VPS13B: variants seen among roughly 807,000 people sequenced by gnomAD.
VPS13B encodes the protein intermembrane lipid transfer protein VPS13B.
VPS13B carries 285 observed loss-of-function variants against 426.4 expected under a neutral mutation model. The observed-to-expected ratio is 0.67, with a 90% CI of 0.61 to 0.74. The LOEUF (loss-of-function observed/expected upper bound fraction) is 0.74, where lower values mean the gene tolerates loss of function less well. Ranked by LOEUF, VPS13B falls within the 30% of genes least tolerant of loss-of-function variation. The pLI, the probability that VPS13B is intolerant of heterozygous loss-of-function variation, is 0.00. For missense variants in VPS13B, 4,537 were observed against 4,782.6 expected, an observed-to-expected ratio of 0.95 and a Z score of 1.51; for synonymous variants, 1,676 against 1,676.4, an observed-to-expected ratio of 1.00 and a Z score of 0.01.
At chr8:99,293,631 G>A (rs1333452053) in intron 19 of VPS13B, among the ~76,000 whole-genome samples, 57 of 144,392 alleles carry the variant, frequency 3.9e-4, no homozygotes, top group East Asian at 1.5e-3. Context: ...GAAAATTTTC[G>A]CAACCTACTC....
chr8:99,772,230 T>G (rs1811536693), intron 40 of VPS13B, among the ~76,000 whole-genome samples: 1 of 152,058 alleles, frequency 6.6e-6, no homozygotes, highest in Admixed American at 6.6e-5. Flanking sequence ...TTAAGTTAGA[T>G]TTAAAGGAGT....
intron 19 of VPS13B, among the ~76,000 whole-genome samples, chr8:99,290,513 G>C (rs1563649814): frequency 6.6e-6 from 1 of 151,994 alleles, no homozygotes; most frequent in African/African-American, 2.4e-5. Context: ...CATGGGGTGC[G>C]GGGAGAGGGA....
chr8:99,390,592 A>G (rs930774638), intron 20 of VPS13B, among the ~76,000 whole-genome samples: 7 of 152,302 alleles, frequency 4.6e-5, no homozygotes, highest in Non-Finnish European at 1.0e-4. Flanking sequence ...GGTTGGATCT[A>G]TAAAACTTTG....
At chr8:99,307,025 A>G (rs368006522) in intron 19 of VPS13B, among the ~76,000 whole-genome samples, 2 of 152,128 alleles carry the variant, frequency 1.3e-5, no homozygotes, top group Non-Finnish European at 2.9e-5. Flanking sequence ...GTATTACTAC[A>G]TGAATAAAAG....
At chr8:99,688,153 T>TA (rs1554904064) in intron 35 of VPS13B, among the ~76,000 whole-genome samples, 5 of 147,076 alleles carry the variant, frequency 3.4e-5, no homozygotes, top group South Asian at 2.1e-4. Context: ...TTTTTTTTTT[T>TA]ATCTGAGGAG....
At chr8:99,226,198 A>G (rs543356192) in intron 17 of VPS13B, among the ~76,000 whole-genome samples, 1 of 152,324 alleles carries the variant, frequency 6.6e-6, no homozygotes, top group South Asian at 2.1e-4. Context: ...GCCAAAACAT[A>G]GAGTCTCTCA....
At chr8:99,827,982 G>T (rs1455499937) in intron 51 of VPS13B, among the ~76,000 whole-genome samples, 1 of 152,046 alleles carries the variant, frequency 6.6e-6, no homozygotes, top group East Asian at 1.9e-4. Flanking sequence ...TTTGTTGAGT[G>T]TTTTACTTCC....
At chr8:99,738,954 T>A (rs1450076187) in intron 39 of VPS13B, among the ~76,000 whole-genome samples, 1 of 152,172 alleles carries the variant, frequency 6.6e-6, no homozygotes, top group Non-Finnish European at 1.5e-5. Flanking sequence ...TTCATCTCAC[T>A]GGGGAGTGTT....
chr8:99,481,832 A>G, intron 25 of VPS13B, 30 bp downstream of exon 25: 1 of 1,610,150 alleles, frequency 6.2e-7, no homozygotes, highest in Non-Finnish European at 8.5e-7. Flanking sequence ...CTGTTACAAA[A>G]TGAAGGTTAA....
intron 17 of VPS13B, among the ~76,000 whole-genome samples, chr8:99,218,184 T>G (rs1815490575): frequency 6.6e-6 from 1 of 152,202 alleles, no homozygotes; most frequent in Non-Finnish European, 1.5e-5. Flanking sequence ...CCTGGTCTTG[T>G]ATTGCTTACA....
intron 19 of VPS13B, among the ~76,000 whole-genome samples, chr8:99,325,076 C>A (rs1810170430): frequency 6.6e-6 from 1 of 151,984 alleles, no homozygotes; most frequent in South Asian, 2.1e-4. Context: ...TGCTTTACTG[C>A]TTATACAATT....
intron 22 of VPS13B, among the ~76,000 whole-genome samples, chr8:99,436,807 C>T (rs1292069173): frequency 6.6e-6 from 1 of 151,498 alleles, no homozygotes; most frequent in Non-Finnish European, 1.5e-5. Flanking sequence ...GGTGTGATCT[C>T]GGCTCACTGC....
intron 36 of VPS13B, among the ~76,000 whole-genome samples, chr8:99,709,553 T>C (rs370273579): frequency 2.6e-5 from 4 of 152,348 alleles, no homozygotes; most frequent in African/African-American, 9.6e-5. Context: ...TCTGAAATTA[T>C]TTCTCAATGT....
chr8:99,805,290 G>T (rs541094384), intron 43 of VPS13B, among the ~76,000 whole-genome samples: 11 of 151,346 alleles, frequency 7.3e-5, no homozygotes, highest in Admixed American at 7.2e-4. Flanking sequence ...TTTAATTTGT[G>T]ATTATTGAAG....
intron 33 of VPS13B, among the ~76,000 whole-genome samples, chr8:99,605,698 C>T (rs866328630): frequency 2.6e-4 from 39 of 152,260 alleles, no homozygotes; most frequent in Middle Eastern, 6.8e-3. Flanking sequence ...ATGTGGGTGT[C>T]TCTCTATCTG....
At chr8:99,569,907 G>A (rs145066789) in intron 31 of VPS13B, among the ~76,000 whole-genome samples, 253 of 151,968 alleles carry the variant, frequency 1.7e-3, no homozygotes, top group African/African-American at 5.7e-3. Flanking sequence ...TATTTTCATC[G>A]AGGGTTTAAT....
intron 55 of VPS13B, among the ~76,000 whole-genome samples, chr8:99,850,328 C>T (rs989161181): frequency 7.5e-6 from 1 of 133,434 alleles, no homozygotes; most frequent in Admixed American, 7.3e-5. Context: ...TACATAAGTA[C>T]GCATGTATGT....
At chr8:99,307,909 G>A (rs187075861) in intron 19 of VPS13B, among the ~76,000 whole-genome samples, 61 of 152,106 alleles carry the variant, frequency 4.0e-4, no homozygotes, top group Admixed American at 7.9e-4. Flanking sequence ...TTCCTAACTA[G>A]CACTGCTTTT....
At chr8:99,538,505 A>G (rs895976945) in intron 30 of VPS13B, among the ~76,000 whole-genome samples, 1 of 151,816 alleles carries the variant, frequency 6.6e-6, no homozygotes, top group Admixed American at 6.6e-5. Context: ...GTTTTGGGAT[A>G]TGTGTGTTTA....
Sources: allele counts gnomAD v4.1 joint callset (sites outside exome capture counted in the v4.1 genomes callset), GRCh38; gene constraint gnomAD v4.1.1; transcripts MANE v1.5; gene names NCBI Gene and HGNC (gene_info 2026-07-23, HGNC 2026-07-21).